The following TRPS1 variants were observed in gnomAD, a reference collection of about 807,000 sequenced individuals.
TRPS1 encodes zinc finger transcription factor Trps1.
Under a neutral mutation model 101.2 loss-of-function variants are expected in TRPS1, and 6 were observed. The ratio of observed to expected loss-of-function variants is 0.06; its 90% CI spans 0.03 to 0.12. The LOEUF is 0.12. Among genes scored for constraint, TRPS1 ranks in the 10% least tolerant of loss-of-function variants. TRPS1 has a pLI of 1.00. For synonymous variants in TRPS1, 578 were observed against 589.8 expected (o/e 0.98, Z 0.29); for missense variants, 1,363 against 1,567.0 (o/e 0.87, Z 2.20).
intron 5 of TRPS1, among the ~76,000 whole-genome samples, chr8:115,499,026 G>T (rs1464536493): frequency 6.6e-6 from 1 of 152,068 alleles, no homozygotes; most frequent in African/African-American, 2.4e-5. Context: ...AAATTTCTCA[G>T]AAATCAGATA....
intron 1 of TRPS1, among the ~76,000 whole-genome samples, chr8:115,653,769 G>A (rs532417378): frequency 6.6e-6 from 1 of 152,292 alleles, no homozygotes; most frequent in South Asian, 2.1e-4. Flanking sequence ...TCTTCACCCT[G>A]CGACTCAAGA....
chr8:115,517,334 A>C (rs1283938244), intron 5 of TRPS1, among the ~76,000 whole-genome samples: 1 of 151,636 alleles, frequency 6.6e-6, no homozygotes, highest in East Asian at 1.9e-4. Context: ...GAAGGTACTT[A>C]AACTAGACAT....
intron 5 of TRPS1, among the ~76,000 whole-genome samples, chr8:115,431,193 TC>T (rs1813310659): frequency 6.6e-6 from 1 of 151,958 alleles, no homozygotes; most frequent in Admixed American, 6.6e-5. Context: ...TTAAATTTTT[TC>T]TTTCTCTCTT....
chr8:115,575,225 TAGAC>T (rs1281025174), intron 5 of TRPS1, among the ~76,000 whole-genome samples: 3 of 152,238 alleles, frequency 2.0e-5, no homozygotes, highest in East Asian at 1.9e-4. Flanking sequence ...AAGAAATCGA[TAGAC>T]AGTTTTTCTA....
At chr8:115,569,370 A>T (rs1295977124) in intron 5 of TRPS1, among the ~76,000 whole-genome samples, 4 of 152,112 alleles carry the variant, frequency 2.6e-5, no homozygotes, top group African/African-American at 9.7e-5. Flanking sequence ...TAAAGGGTCA[A>T]ATAAACACAC....
intron 1 of TRPS1, among the ~76,000 whole-genome samples, chr8:115,625,843 T>A (rs75167220): frequency 0.077 from 11,714 of 151,912 alleles, 1,455 homozygotes; most frequent in African/African-American, 0.26. Context: ...TCAAATCTTG[T>A]TGCGCATAAT....
At chr8:115,603,631 A>G (rs1817957839) in intron 4 of TRPS1, among the ~76,000 whole-genome samples, 1 of 152,212 alleles carries the variant, frequency 6.6e-6, no homozygotes, top group South Asian at 2.1e-4. Flanking sequence ...AGTAAATGGT[A>G]TAACACAAGT....
In TRPS1 at chr8:115,603,885, G is replaced by A; in HGVS notation, c.2084C>T (p.Ser695Phe). The A allele has an allele frequency of 1.2e-6, 2 of 1,613,846 alleles. No homozygotes were observed. The highest frequency in any genetic ancestry group is 8.5e-7 in the Non-Finnish European group (1 of 1,179,880). Residue 695 changes from serine (S) to phenylalanine (F), a missense_variant, in exon 4 of 7, where the codon TCC (serine) becomes TTC (phenylalanine). Transcript: ENST00000395715. ...CCCCATGCCTCACCTGTAGTGTCGG[G>A]AAATCTCTTCTTCCACTTGGGTAAT... is the stretch of plus-strand genomic sequence containing the variant. Reference protein sequence around the residue: ...DFITQVEEEISRHYRRAHSCY... With the variant: ...DFITQVEEEIFRHYRRAHSCY...
At chr8:115,666,661 G>T (rs2130640547) in intron 1 of TRPS1, among the ~76,000 whole-genome samples, 1 of 152,286 alleles carries the variant, frequency 6.6e-6, no homozygotes, top group East Asian at 1.9e-4. Flanking sequence ...AAACCAGCAG[G>T]AAAGTAACAT....
At chr8:115,657,770 CTTTA>C (rs969746485) in intron 1 of TRPS1, among the ~76,000 whole-genome samples, 1 of 152,038 alleles carries the variant, frequency 6.6e-6, no homozygotes, top group African/African-American at 2.4e-5. Flanking sequence ...AATTATACAA[CTTTA>C]TTTAATTCCA....
In TRPS1 at chr8:115,529,027, G is replaced by C. The variant is rs758149711; in HGVS notation, c.2700+57974C>G. 3.9e-5 allele frequency among the ~76,000 whole-genome samples: 6 copies of C among 152,100 alleles called. No individual in the cohort carries two copies. In the East Asian group the frequency reaches 9.7e-4, roughly 25 times the overall value. ...AGAACAGTATCACTGGCATCATCCA[G>C]TTAAACAATTAAGGAACCAATGCTA... On this transcript the variant is annotated intron_variant, in intron 5 of 6. Coordinates refer to ENST00000395715, the MANE Select transcript of TRPS1 (RefSeq NM_014112.5).
chr8:115,502,999 C>G (rs1380254447), intron 5 of TRPS1, among the ~76,000 whole-genome samples: 1 of 152,112 alleles, frequency 6.6e-6, no homozygotes, highest in Non-Finnish European at 1.5e-5. Flanking sequence ...TGTGGTGGCT[C>G]ACGCCTGTAA....
At chr8:115,415,719 T>G (rs372912121) in intron 6 of TRPS1, among the ~76,000 whole-genome samples, 1 of 152,096 alleles carries the variant, frequency 6.6e-6, no homozygotes, top group East Asian at 1.9e-4. Context: ...GAAGGTGGCT[T>G]AGTAAGGAAG....
intron 5 of TRPS1, among the ~76,000 whole-genome samples, chr8:115,546,435 T>C (rs954814644): frequency 2.0e-5 from 3 of 152,114 alleles, no homozygotes; most frequent in African/African-American, 4.8e-5. Context: ...ATTTCAAAGA[T>C]ATAACAGTGA....
intron 6 of TRPS1, among the ~76,000 whole-genome samples, chr8:115,417,036 C>G (rs1812938794): frequency 1.3e-5 from 2 of 152,090 alleles, no homozygotes; most frequent in Non-Finnish European, 1.5e-5. Context: ...AAACTGAAAA[C>G]ATCTTACCTC....
intron 2 of TRPS1, among the ~76,000 whole-genome samples, chr8:115,620,943 A>G (rs943979934): frequency 6.6e-6 from 1 of 152,240 alleles, no homozygotes; most frequent in Admixed American, 6.5e-5. Flanking sequence ...AAGCTGAACC[A>G]TATGACATTG....
chr8:115,543,647 C>T (rs1040968797), intron 5 of TRPS1, among the ~76,000 whole-genome samples: 4 of 151,856 alleles, frequency 2.6e-5, no homozygotes, highest in South Asian at 4.1e-4. Context: ...TTAACTTTAG[C>T]GATTTGTTTA....
intron 5 of TRPS1, among the ~76,000 whole-genome samples, chr8:115,446,153 T>C (rs1194680111): frequency 1.3e-5 from 2 of 152,098 alleles, no homozygotes; most frequent in African/African-American, 4.8e-5. Flanking sequence ...AAGTGTTTCT[T>C]TGTAGAGTTC....
At chr8:115,548,081 A>T (rs557205192) in intron 5 of TRPS1, among the ~76,000 whole-genome samples, 376 of 151,918 alleles carry the variant, frequency 2.5e-3, no homozygotes, top group African/African-American at 8.2e-3. Flanking sequence ...AAAAAAAAAA[A>T]AATAAGTCTG....
Sources: allele counts gnomAD v4.1 joint callset (sites outside exome capture counted in the v4.1 genomes callset), GRCh38; gene constraint gnomAD v4.1.1; transcripts MANE v1.5; gene names NCBI Gene and HGNC (gene_info 2026-07-23, HGNC 2026-07-21).